The following STARD9 variants were observed in gnomAD, a reference collection of about 807,000 sequenced individuals.
The protein encoded by STARD9 is stAR-related lipid transfer protein 9.
STARD9 carries 346 observed loss-of-function variants against 399.8 expected under a neutral mutation model. The observed-to-expected ratio is 0.87, with a 90% CI of 0.79 to 0.95. The LOEUF (loss-of-function observed/expected upper bound fraction) is 0.95. STARD9 is among the 40% of genes least tolerant of loss of function. STARD9 has a pLI of 0.00. For missense variants in STARD9, 5,832 were observed against 5,667.5 expected (o/e 1.03, Z -0.93); for synonymous variants, 2,203 against 2,143.5 (o/e 1.03, Z -0.77).
At position 42,688,430 on chromosome 15, in the gene STARD9, C is replaced by T; in HGVS notation, c.6852C>T (p.Gly2284=). 4 of 1,537,698 alleles carry T rather than the reference C, an allele frequency of 2.6e-6. No individual in the cohort carries two copies. The highest frequency in any genetic ancestry group is 3.5e-6 in the Non-Finnish European group (4 of 1,147,028). ...KVEEMPMQRG[G]SLQEENKVTQ... is the part of the protein sequence containing the mutation. ...AAGAAATGCCTATGCAAAGGGGAGG[C>T]AGCCTTCAGGAAGAAAATAAAGTGA... is the stretch of plus-strand genomic sequence containing the variant. Residue 2284 remains glycine (G), a synonymous_variant, in exon 23 of 33, where the codon GGC becomes GGT. Coordinates refer to ENST00000290607, the MANE Select transcript of STARD9 (RefSeq NM_020759.3).
intron 3 of STARD9, among the ~76,000 whole-genome samples, chr15:42,612,172 C>T (rs1397475368): frequency 6.6e-6 from 1 of 152,122 alleles, no homozygotes; most frequent in Non-Finnish European, 1.5e-5. Flanking sequence ...GAGACAGGGT[C>T]TCTCTATATT....
intron 10 of STARD9, among the ~76,000 whole-genome samples, chr15:42,661,780 C>T (rs2059998343): frequency 6.6e-6 from 1 of 152,024 alleles, no homozygotes; most frequent in Admixed American, 6.6e-5. Context: ...TTAAAACTCC[C>T]CATACCTACA....
intron 7 of STARD9, among the ~76,000 whole-genome samples, chr15:42,641,947 C>A (rs1400087007): frequency 6.6e-6 from 1 of 152,078 alleles, no homozygotes; most frequent in Non-Finnish European, 1.5e-5. Flanking sequence ...TAGTATAGAA[C>A]CAGCCTTGGA....
At chr15:42,709,249 G>A (rs1471922268) in intron 26 of STARD9, among the ~76,000 whole-genome samples, 1 of 152,124 alleles carries the variant, frequency 6.6e-6, no homozygotes, top group Non-Finnish European at 1.5e-5. Flanking sequence ...ACACACAAAA[G>A]CTATGTTGGT....
At chr15:42,705,344 G>A (rs1172697210) in intron 26 of STARD9, among the ~76,000 whole-genome samples, 1 of 152,106 alleles carries the variant, frequency 6.6e-6, no homozygotes, top group East Asian at 1.9e-4. Context: ...TTTCTTTTGT[G>A]GATTGTTGTT....
chr15:42,719,993 T>C lies in STARD9; in HGVS notation c.*419T>C, dbSNP rs1320048499. On this transcript the variant is annotated 3_prime_UTR_variant, in exon 33 of 33. Coordinates refer to ENST00000290607, the MANE Select transcript of STARD9 (RefSeq NM_020759.3). ...GAAGCAGGCAGCCACTGGCCAAGAC[T>C]CTGTTCTGAATCTACCTCCTCTAGC... The C allele has an allele frequency of 5.9e-6, 1 of 169,850 alleles. No individual in the cohort carries two copies. Among genetic ancestry groups the C allele is most frequent in the East Asian group, 1.7e-4 (1 of 5,738 alleles). The allele number at this position is 169,850 out of a possible 1,614,324, so 10.5% of individuals were successfully genotyped here.
chr15:42,629,865 A>AG (rs1337689391), intron 3 of STARD9: 1 of 152,032 alleles, frequency 6.6e-6, no homozygotes, highest in Admixed American at 6.6e-5. Flanking sequence ...TTTCAACAAT[A>AG]GTTTAAATGA....
intron 26 of STARD9, among the ~76,000 whole-genome samples, chr15:42,697,236 T>C (rs553027493): frequency 2.0e-4 from 30 of 152,280 alleles, no homozygotes; most frequent in South Asian, 8.3e-4. Flanking sequence ...TGGGATATCA[T>C]TGCATATCAG....
chr15:42,687,572 T>G lies in STARD9; in HGVS notation c.5994T>G (p.Gly1998=). ...GCTCAGAAGAGTTTAAGCTTCCAGG[T>G]ACAAAGCCTGCATATGAAAGGTTCC... ...KDSSEEFKLP[G]TKPAYERFQL... The change falls in exon 23 of 33, where the codon GGT becomes GGG. Residue 1998 remains glycine (G), a synonymous_variant. Coordinates refer to ENST00000290607, the MANE Select transcript of STARD9 (RefSeq NM_020759.3). 1 of 1,536,990 alleles carries G rather than the reference T, an allele frequency of 6.5e-7. No individual in the cohort carries two copies. The highest frequency in any genetic ancestry group is 8.7e-7 in the Non-Finnish European group (1 of 1,146,898).
Position 42,686,248 on chromosome 15 carries a change from T to C in STARD9, c.4670T>C (p.Leu1557Ser), listed in dbSNP as rs1174458308. ...GTCCATCTGTCCAGAATCAGGCGTT[T>C]GAGGGCAGAGAAAGAACAGGACAGT... ...FPVHLSRIRRLRAEKEQDSLN... is the reference protein window; with the variant it reads ...FPVHLSRIRRSRAEKEQDSLN... The change falls in exon 23 of 33, where the codon TTG becomes TCG. Residue 1557 changes from leucine to serine, a missense_variant. Transcript: ENST00000290607. 5 of 1,537,646 alleles carry C rather than the reference T, an allele frequency of 3.3e-6. No homozygotes were observed. In the Admixed American group the frequency reaches 5.9e-5, roughly 18 times the overall value.
At chr15:42,655,180 G>A (rs995209109) in intron 9 of STARD9, among the ~76,000 whole-genome samples, 3 of 152,192 alleles carry the variant, frequency 2.0e-5, no homozygotes, top group African/African-American at 7.2e-5. Flanking sequence ...TATTCGGGAG[G>A]CTGAGGCAGG....
chr15:42,675,802 G>A (rs1254465372), intron 19 of STARD9, 56 bp downstream of exon 19: 10 of 1,534,370 alleles, frequency 6.5e-6, no homozygotes, highest in African/African-American at 1.4e-5. Context: ...CCACCTTTTA[G>A]ATGAAAAGCC....
At chr15:42,629,799 G>C (rs1455383328) in intron 3 of STARD9, 1 of 151,734 alleles carries the variant, frequency 6.6e-6, no homozygotes, top group Non-Finnish European at 1.5e-5. Flanking sequence ...TGTGTACCCA[G>C]TTTCTCAAGG....
chr15:42,665,244 G>A lies in STARD9; in HGVS notation c.1177-9G>A. ...ACAATCAGTGGTGATGGAGTTCTCT[G>A]TGTTTCAGGATGCAAACTTAAAACT... On this transcript the variant is annotated splice_polypyrimidine_tract_variant and intron_variant, in intron 13 of 32. Coordinates refer to ENST00000290607, the MANE Select transcript of STARD9 (RefSeq NM_020759.3). 6.5e-7 allele frequency: 1 copy of A among 1,535,336 alleles called. No individual in the cohort carries two copies. The highest frequency in any genetic ancestry group is 8.7e-7 in the Non-Finnish European group (1 of 1,145,264).
At chr15:42,578,106 A>ATTTTT (rs57016102) in intron 1 of STARD9, among the ~76,000 whole-genome samples, 4 of 134,126 alleles carry the variant, frequency 3.0e-5, no homozygotes, top group South Asian at 2.3e-4. Context: ...TTGACGCTCA[A>ATTTTT]TTTTTTTTTT....
chr15:42,628,468 C>G (rs1382346793), intron 3 of STARD9, among the ~76,000 whole-genome samples: 1 of 152,092 alleles, frequency 6.6e-6, no homozygotes, highest in Non-Finnish European at 1.5e-5. Context: ...CTTTAGTTGC[C>G]TGTGTTTCTG....
intron 3 of STARD9, among the ~76,000 whole-genome samples, chr15:42,600,788 G>A (rs2058605826): frequency 6.6e-6 from 1 of 151,618 alleles, no homozygotes; most frequent in Admixed American, 6.6e-5. Flanking sequence ...GCCTCCCAAA[G>A]TGTTGGGATT....
Position 42,686,656 on chromosome 15 carries a change from C to T in STARD9, c.5078C>T (p.Pro1693Leu), listed in dbSNP as rs1169180626. 6.5e-7 allele frequency: 1 copy of T among 1,537,598 alleles called. No individual in the cohort carries two copies. Among genetic ancestry groups the T allele is most frequent in the Non-Finnish European group, 8.7e-7 (1 of 1,147,006 alleles). Residue 1693 changes from proline to leucine, a missense_variant, in exon 23 of 33, where the codon CCA becomes CTA. This residue lies in a region of STARD9 where 5,828 missense variants were observed against 5,651.1 expected (regional missense o/e 1.03). Transcript: ENST00000290607. ...CAATTAAGTCCCGACAGCCACTACC[C>T]ACTAGAGGAAGAGAAGACAGATTGC... ...PGQLSPDSHY[P>L]LEEEKTDCQE...
At chr15:42,616,625 C>G (rs1319211207) in intron 3 of STARD9, among the ~76,000 whole-genome samples, 1 of 152,108 alleles carries the variant, frequency 6.6e-6, no homozygotes, top group African/African-American at 2.4e-5. Flanking sequence ...GGTGCAGTGG[C>G]CCATACCTGT....
Sources: allele counts gnomAD v4.1 joint callset (sites outside exome capture counted in the v4.1 genomes callset), GRCh38; gene constraint gnomAD v4.1.1; regional missense constraint gnomAD v4.1.1; transcripts MANE v1.5; gene names NCBI Gene and HGNC (gene_info 2026-07-23, HGNC 2026-07-21).